CREG1: variants seen among roughly 807,000 people sequenced by gnomAD.
CREG1 encodes the protein cellular repressor of E1A stimulated genes 1.
CREG1 carries 20 observed loss-of-function variants against 19.9 expected under a neutral mutation model. The ratio of observed to expected loss-of-function variants is 1.01; its 90% CI spans 0.71 to 1.46. The LOEUF (loss-of-function observed/expected upper bound fraction) is 1.46. CREG1 is among the 40% of genes most tolerant of loss of function. CREG1 has a pLI of 0.00. For synonymous variants in CREG1, 141 were observed against 143.3 expected (o/e 0.98, Z 0.12); for missense variants, 290 against 314.9 (o/e 0.92, Z 0.60).
At chr1:167,543,365 G>A (rs146054205) in intron 3 of CREG1, among the ~76,000 whole-genome samples, 210 of 152,320 alleles carry the variant, frequency 1.4e-3, no homozygotes, top group African/African-American at 4.7e-3. Flanking sequence ...AGTCCAATGA[G>A]GCAAACCACA....
At chr1:167,553,343 G>T in intron 1 of CREG1, 45 bp downstream of exon 1, 1 of 1,301,338 alleles carries the variant, frequency 7.7e-7, no homozygotes, top group Non-Finnish European at 9.9e-7. Context: ...CTCTGTGGCC[G>T]CCCCGCCCAC....
At chr1:167,552,562 A>T (rs1284516842) in intron 1 of CREG1, among the ~76,000 whole-genome samples, 1 of 152,226 alleles carries the variant, frequency 6.6e-6, no homozygotes, top group African/African-American at 2.4e-5. Context: ...CATCTTACTG[A>T]GGAGCCACTA....
At chr1:167,543,717 C>T (rs993984364) in intron 3 of CREG1, among the ~76,000 whole-genome samples, 2 of 152,332 alleles carry the variant, frequency 1.3e-5, no homozygotes, top group Middle Eastern at 3.4e-3. Flanking sequence ...CCGGTCAGAG[C>T]GGGCAGCTTT....
intron 1 of CREG1, 131 bp from the exon 2 acceptor site, chr1:167,548,252 C>T (rs1276843950): frequency 1.6e-6 from 1 of 619,846 alleles, no homozygotes; most frequent in Non-Finnish European, 2.7e-6. Context: ...CATAAAACAT[C>T]ACCTTCCACT....
intron 2 of CREG1, among the ~76,000 whole-genome samples, chr1:167,546,853 T>C (rs989555045): frequency 1.3e-5 from 2 of 152,252 alleles, no homozygotes; most frequent in African/African-American, 4.8e-5. Context: ...TAAAAAGGCA[T>C]TTTGAGCTAT....
chr1:167,553,732 G>T lies in CREG1; in HGVS notation c.10C>A (p.Leu4Ile), dbSNP rs1377019518. 4 of 1,284,042 alleles carry T rather than the reference G, an allele frequency of 3.1e-6. No individual in the cohort carries two copies. The highest frequency in any genetic ancestry group is 3.9e-6 in the Non-Finnish European group (4 of 1,018,744). The allele number at this position is 1,284,042 out of a possible 1,614,324, so 79.5% of individuals were successfully genotyped here. The change falls in exon 1 of 4, where the codon CTA (leucine) becomes ATA (isoleucine). Residue 4 changes from leucine (L) to isoleucine (I), a missense_variant. Leu to Ile is a conservative substitution (Grantham distance 5). Transcript: ENST00000370509. The part of the protein sequence containing the change: MAG[L>I]SRGSARALLA... Reference sequence around the variant, plus strand: ...AGTGCGCGCGCGGACCCGCGGGATAGCCCGGCCATGGCGGTGTCTCCAGGA... The same window carrying T: ...AGTGCGCGCGCGGACCCGCGGGATATCCCGGCCATGGCGGTGTCTCCAGGA...
chr1:167,553,431 T>C lies in CREG1; in HGVS notation c.311A>G (p.Tyr104Cys), dbSNP rs1282105124. Residue 104 changes from tyrosine (Y) to cysteine (C), a missense_variant, in exon 1 of 4, where the codon TAT (tyrosine) becomes TGT (cysteine). Transcript: ENST00000370509. ...GPPGAGSGVP[Y>C]FYLSPLQLSV... ...GAGCTGCAGCGGGCTCAGGTAGAAATAGGGCACGCCGCTGCCCGCGCCCGG... is the reference window on the plus strand; with the variant it reads ...GAGCTGCAGCGGGCTCAGGTAGAAACAGGGCACGCCGCTGCCCGCGCCCGG... 30 of 1,473,386 alleles carry C rather than the reference T, an allele frequency of 2.0e-5. No homozygotes were observed. The highest frequency in any genetic ancestry group is 2.6e-5 in the Non-Finnish European group (29 of 1,119,228). The allele number at this position is 1,473,386 out of a possible 1,614,324, so 91.3% of individuals were successfully genotyped here.
At chr1:167,553,142 G>C (rs185380115) in intron 1 of CREG1, among the ~76,000 whole-genome samples, 2 of 152,100 alleles carry the variant, frequency 1.3e-5, no homozygotes, top group Non-Finnish European at 2.9e-5. Context: ...AGAAGTCCTC[G>C]GGCTGCTGGC....
chr1:167,541,907 C>T lies in CREG1; in HGVS notation c.*391G>A, dbSNP rs1450468628. The T allele has an allele frequency of 6.2e-6, 1 of 162,580 alleles. No individual in the cohort carries two copies. Among genetic ancestry groups the T allele is most frequent in the East Asian group, 1.8e-4 (1 of 5,536 alleles). 10.1% of individuals were successfully genotyped at this position (162,580 alleles called of 1,614,324 possible). On this transcript the variant is annotated 3_prime_UTR_variant, in exon 4 of 4. Transcript: ENST00000370509. ...GGTGAGTGATGCACTCTACCAAGCACAGTGGCTTCTAGGAATAAAGAACAC... is the reference window on the plus strand; with the variant it reads ...GGTGAGTGATGCACTCTACCAAGCATAGTGGCTTCTAGGAATAAAGAACAC...
intron 1 of CREG1, among the ~76,000 whole-genome samples, chr1:167,549,883 C>G (rs574578443): frequency 2.0e-5 from 3 of 151,614 alleles, no homozygotes; most frequent in Non-Finnish European, 4.4e-5. Context: ...CATGGAGTTT[C>G]ACTGTGTTGC....
intron 3 of CREG1, among the ~76,000 whole-genome samples, chr1:167,545,669 G>C (rs1656304939): frequency 6.6e-6 from 1 of 152,010 alleles, no homozygotes; most frequent in Admixed American, 6.6e-5. Flanking sequence ...GCTGGGTGTG[G>C]TGGTCTATGC....
At position 167,549,665 on chromosome 1, in the gene CREG1, G is replaced by A. The variant is rs557809321; in HGVS notation, c.355-1544C>T. ...CCCAAAGTGCTGGGATTACAGGCGT[G>A]AGACACCGCACCTGGCCTGCAATAT... On this transcript the variant is annotated intron_variant, in intron 1 of 3. Coordinates refer to ENST00000370509, the MANE Select transcript of CREG1 (RefSeq NM_003851.3). Among the ~76,000 whole-genome samples, 18 of 151,944 alleles carry A rather than the reference G, an allele frequency of 1.2e-4. No individual in the cohort carries two copies. In the South Asian group the frequency reaches 3.3e-3, roughly 28 times the overall value.
At position 167,553,467 on chromosome 1, in the gene CREG1, C is replaced by T. The variant is rs970851079; in HGVS notation, c.275G>A (p.Ser92Asn). The change falls in exon 1 of 4, where the codon AGC becomes AAC. Residue 92 changes from serine to asparagine, a missense_variant. By Grantham distance (46) the Ser-to-Asn change is conservative. Coordinates refer to ENST00000370509, the MANE Select transcript of CREG1 (RefSeq NM_003851.3). ...GCTGCCCGCGCCCGGGGGCCCGTCG[C>T]TGAGCGAGAGGACGTCGGCGAAGGG... is the stretch of plus-strand genomic sequence containing the variant. ...GRPFADVLSL[S>N]DGPPGAGSGV... 1.3e-6 allele frequency: 2 copies of T among 1,484,088 alleles called. No individual in the cohort carries two copies. The highest frequency in any genetic ancestry group is 1.5e-5 in the African/African-American group (1 of 68,530). The allele number at this position is 1,484,088 out of a possible 1,614,324, so 91.9% of individuals were successfully genotyped here. A position where few individuals can be genotyped will look rare whatever the true frequency, so the allele number is the denominator to read the frequency against.
chr1:167,547,816 G>A (rs1656354772), intron 2 of CREG1, among the ~76,000 whole-genome samples, 186 bp downstream of exon 2: 1 of 152,096 alleles, frequency 6.6e-6, no homozygotes, highest in Admixed American at 6.5e-5. Flanking sequence ...AGCTACTAGG[G>A]AGGCTGAGGC....
At chr1:167,547,936 T>C in intron 2 of CREG1, 66 bp downstream of exon 2, 1 of 1,531,790 alleles carries the variant, frequency 6.5e-7, no homozygotes, top group African/African-American at 1.4e-5. Context: ...AAAAATGATC[T>C]ATTCTTTCAT....
chr1:167,542,191 C>G lies in CREG1; in HGVS notation c.*107G>C. The G allele has an allele frequency of 2.0e-6, 2 of 984,836 alleles. No homozygotes were observed. Among genetic ancestry groups the G allele is most frequent in the South Asian group, 4.0e-5 (2 of 50,324 alleles). 61.0% of individuals were successfully genotyped at this position (984,836 alleles called of 1,614,324 possible). A position where few individuals can be genotyped will look rare whatever the true frequency, so the allele number is the denominator to read the frequency against. ...AAACAAACCAGCATGTGACAGAAAA[C>G]TGGCTAATATTCTGGGACGCTTTCC... On this transcript the variant is annotated 3_prime_UTR_variant, in exon 4 of 4. Transcript: ENST00000370509.
intron 3 of CREG1, among the ~76,000 whole-genome samples, chr1:167,543,799 G>A (rs112145451): frequency 3.3e-5 from 5 of 151,186 alleles, no homozygotes; most frequent in African/African-American, 1.2e-4. Context: ...CCTTTGGGCC[G>A]CCTCTCAGGA....
chr1:167,551,546 AGTCT>A (rs1656423157), intron 1 of CREG1, among the ~76,000 whole-genome samples: 1 of 152,130 alleles, frequency 6.6e-6, no homozygotes, highest in African/African-American at 2.4e-5. Flanking sequence ...TGCACCTCTG[AGTCT>A]GTGTTTCCTC....
chr1:167,547,805 C>T (rs1394524756), intron 2 of CREG1, among the ~76,000 whole-genome samples, 197 bp downstream of exon 2: 2 of 152,102 alleles, frequency 1.3e-5, no homozygotes, highest in African/African-American at 2.4e-5. Context: ...CCTGTAATCC[C>T]AGCTACTAGG....
Sources: allele counts gnomAD v4.1 joint callset (sites outside exome capture counted in the v4.1 genomes callset), GRCh38; gene constraint gnomAD v4.1.1; transcripts MANE v1.5; gene names NCBI Gene and HGNC (gene_info 2026-07-23, HGNC 2026-07-21).